CREB5: variants seen among roughly 807,000 people sequenced by gnomAD.
The protein encoded by CREB5 is cAMP responsive element binding protein 5.
In CREB5, 19 loss-of-function variants were observed where a neutral mutation model predicts 57.1. The observed-to-expected ratio is 0.33, with a 90% CI of 0.23 to 0.49. CREB5 has a LOEUF of 0.49. CREB5 is among the 20% of genes least tolerant of loss of function. CREB5 has a pLI of 0.99. For synonymous variants in CREB5, 238 were observed against 238.3 expected (o/e 1.00, Z 0.01); for missense variants, 579 against 671.6 (o/e 0.86, Z 1.52).
chr7:28,627,895 T>C (rs1798062873), intron 5 of CREB5, among the ~76,000 whole-genome samples: 1 of 152,178 alleles, frequency 6.6e-6, no homozygotes, highest in African/African-American at 2.4e-5. Flanking sequence ...GAGGCTATTG[T>C]TATGGTGTGA....
At chr7:28,793,558 C>G (rs905443277) in intron 7 of CREB5, among the ~76,000 whole-genome samples, 3 of 152,290 alleles carry the variant, frequency 2.0e-5, no homozygotes, top group Admixed American at 6.5e-5. Flanking sequence ...GCTTTTTAGT[C>G]AAACTTCCAG....
chr7:28,410,115 C>A, upstream of CREB5: 1 of 384,220 alleles, frequency 2.6e-6, no homozygotes, highest in South Asian at 1.9e-5. Context: ...GGAGCTGCAG[C>A]TGCCACCTCT....
chr7:28,809,289 A>G lies in CREB5; in HGVS notation c.1129A>G (p.Arg377Gly). 1.2e-6 allele frequency: 2 copies of G among 1,614,154 alleles called. No homozygotes were observed. The highest frequency in any genetic ancestry group is 1.7e-6 in the Non-Finnish European group (2 of 1,180,030). Reference sequence around the variant, plus strand: ...GGTGGTAGACGAGGATCCGGACGAGAGGCGGCGGAAATTTCTGGAACGGAA... The same window carrying G: ...GGTGGTAGACGAGGATCCGGACGAGGGGCGGCGGAAATTTCTGGAACGGAA... ...RRVVDEDPDE[R>G]RRKFLERNRA... Residue 377 changes from arginine (R) to glycine (G), a missense_variant, in exon 9 of 11, where the codon AGG becomes GGG. This residue lies in a region of CREB5 where 459 missense variants were observed against 515.7 expected (regional missense o/e 0.89). Coordinates refer to ENST00000357727, the MANE Select transcript of CREB5 (RefSeq NM_182898.4).
At chr7:28,444,698 G>T (rs35234356) in intron 1 of CREB5, among the ~76,000 whole-genome samples, 1 of 152,042 alleles carries the variant, frequency 6.6e-6, no homozygotes, top group African/African-American at 2.4e-5. Context: ...TCTCCTGCTG[G>T]TCTGCCCCTG....
chr7:28,425,920 C>T (rs1319110119), intron 1 of CREB5, among the ~76,000 whole-genome samples: 1 of 152,202 alleles, frequency 6.6e-6, no homozygotes, highest in African/African-American at 2.4e-5. Context: ...CATCCTTATA[C>T]CAGTTCTTCT....
intron 9 of CREB5, among the ~76,000 whole-genome samples, chr7:28,811,112 T>C (rs1029402584): frequency 6.6e-6 from 1 of 152,206 alleles, no homozygotes; most frequent in African/African-American, 2.4e-5. Context: ...CTGCTGTTTA[T>C]AGTGTAGTGT....
chr7:28,778,006 T>A (rs1278137704), intron 7 of CREB5, among the ~76,000 whole-genome samples: 1 of 152,234 alleles, frequency 6.6e-6, no homozygotes, highest in Non-Finnish European at 1.5e-5. Flanking sequence ...TACTGTGATT[T>A]ATGGAACCAT....
chr7:28,376,381 G>A (rs1377234427), intron 1 of CREB5, among the ~76,000 whole-genome samples: 1 of 149,400 alleles, frequency 6.7e-6, no homozygotes, highest in East Asian at 2.0e-4. Flanking sequence ...CGATTCTCCT[G>A]CCTCAGCCTC....
chr7:28,415,914 A>G (rs1788005788), intron 1 of CREB5, among the ~76,000 whole-genome samples: 1 of 152,230 alleles, frequency 6.6e-6, no homozygotes, highest in South Asian at 2.1e-4. Context: ...AGATGGATAT[A>G]TATGAGTGTG....
chr7:28,577,010 A>ATG (rs1484573917), intron 5 of CREB5, among the ~76,000 whole-genome samples: 1 of 152,216 alleles, frequency 6.6e-6, no homozygotes, highest in Non-Finnish European at 1.5e-5. Context: ...TGCCTGGAAT[A>ATG]CAAGAGCTTG....
intron 1 of CREB5, among the ~76,000 whole-genome samples, chr7:28,440,311 A>T (rs1170905619): frequency 1.3e-5 from 2 of 152,162 alleles, no homozygotes; most frequent in Non-Finnish European, 2.9e-5. Flanking sequence ...CGTTTTCCTG[A>T]CGAGTTATAG....
intron 5 of CREB5, among the ~76,000 whole-genome samples, chr7:28,592,561 A>G (rs1290972083): frequency 6.6e-6 from 1 of 152,192 alleles, no homozygotes. Flanking sequence ...GCTCTACATC[A>G]CCCCCACGCA....
intron 1 of CREB5, among the ~76,000 whole-genome samples, chr7:28,413,334 C>T (rs1012335045): frequency 2.0e-5 from 3 of 151,864 alleles, no homozygotes; most frequent in South Asian, 2.1e-4. Context: ...AACAGTTTTC[C>T]GCATTCAAAC....
At chr7:28,766,836 G>C (rs1440256161) in intron 7 of CREB5, among the ~76,000 whole-genome samples, 1 of 152,210 alleles carries the variant, frequency 6.6e-6, no homozygotes, top group African/African-American at 2.4e-5. Flanking sequence ...ACGGGAAAAG[G>C]CAGGGATGAT....
intron 5 of CREB5, among the ~76,000 whole-genome samples, chr7:28,685,214 C>T (rs1467529324): frequency 6.6e-6 from 1 of 152,166 alleles, no homozygotes; most frequent in East Asian, 1.9e-4. Context: ...CTTCCCTCTC[C>T]TTTGGAAGGT....
chr7:28,504,061 A>G (rs534666338), intron 3 of CREB5, among the ~76,000 whole-genome samples: 3 of 152,230 alleles, frequency 2.0e-5, no homozygotes, highest in Non-Finnish European at 2.9e-5. Context: ...TATTCTTTCC[A>G]GTTACAACAA....
chr7:28,654,758 C>T lies in CREB5; in HGVS notation c.465-63995C>T, dbSNP rs187740291. On this transcript the variant is annotated intron_variant, in intron 5 of 10. Coordinates refer to ENST00000357727, the MANE Select transcript of CREB5 (RefSeq NM_182898.4). ...CAGCAAAATTGATACCAATGAGGCA[C>T]CCTGATGAAAAATGAGAGGTTCAAA... is the stretch of plus-strand genomic sequence containing the variant. Among the ~76,000 whole-genome samples, 3 of 152,180 alleles carry T rather than the reference C, an allele frequency of 2.0e-5. No homozygotes were observed. The East Asian group carries it at 5.8e-4, about 29-fold the overall frequency.
chr7:28,610,926 G>A (rs935070634), intron 5 of CREB5, among the ~76,000 whole-genome samples: 4 of 151,900 alleles, frequency 2.6e-5, no homozygotes, highest in East Asian at 1.9e-4. Context: ...AGAGGGAGTC[G>A]TTTATGTATG....
At chr7:28,474,019 A>G (rs890376458) in intron 1 of CREB5, among the ~76,000 whole-genome samples, 1 of 151,994 alleles carries the variant, frequency 6.6e-6, no homozygotes, top group Admixed American at 6.6e-5. Context: ...TTCTTTTCTT[A>G]CCTTACTCCA....
Sources: allele counts gnomAD v4.1 joint callset (sites outside exome capture counted in the v4.1 genomes callset), GRCh38; gene constraint gnomAD v4.1.1; regional missense constraint gnomAD v4.1.1; transcripts MANE v1.5; gene names NCBI Gene and HGNC (gene_info 2026-07-23, HGNC 2026-07-21).